IL21R: variants seen among roughly 807,000 people sequenced by gnomAD.
The protein encoded by IL21R is interleukin-21 receptor.
In IL21R, 14 loss-of-function variants were observed where a neutral mutation model predicts 41.3. That is an observed-to-expected ratio of 0.34 (90% CI 0.22 to 0.53). The LOEUF is 0.53. IL21R is among the 20% of genes least tolerant of loss of function. The probability of loss-of-function intolerance (pLI) is 0.94; values close to 1 mark genes in which losing one functional copy is unlikely to be tolerated. For missense variants in IL21R, 588 were observed against 681.6 expected (o/e 0.86, Z 1.53); for synonymous variants, 286 against 287.6 (o/e 0.99, Z 0.05).
At chr16:27,438,404 G>A (rs2087311961) in intron 4 of IL21R, among the ~76,000 whole-genome samples, 1 of 152,146 alleles carries the variant, frequency 6.6e-6, no homozygotes, top group Non-Finnish European at 1.5e-5. Context: ...CCTGGTTGGT[G>A]GGAGCAGTTT....
At chr16:27,434,237 C>T in intron 2 of IL21R, 110 bp from the exon 3 acceptor site, 3 of 704,410 alleles carry the variant, frequency 4.3e-6, no homozygotes, top group South Asian at 1.7e-5. Context: ...TTTGTCCCGG[C>T]CTGGGGACCC....
At chr16:27,407,060 G>A (rs114324862) in intron 1 of IL21R, among the ~76,000 whole-genome samples, 12 of 152,316 alleles carry the variant, frequency 7.9e-5, no homozygotes, top group Non-Finnish European at 1.3e-4. Context: ...GGTCTGGGGG[G>A]AGTTTCTGGG....
At chr16:27,439,582 C>T (rs1053836660) in intron 4 of IL21R, among the ~76,000 whole-genome samples, 1 of 151,764 alleles carries the variant, frequency 6.6e-6, no homozygotes. Flanking sequence ...CACACATATG[C>T]ACACACTCAC....
At chr16:27,417,494 G>A (rs2086909018) in intron 1 of IL21R, among the ~76,000 whole-genome samples, 1 of 152,168 alleles carries the variant, frequency 6.6e-6, no homozygotes, top group African/African-American at 2.4e-5. Context: ...AACTAGGTGT[G>A]AAATTTCTTG....
intron 1 of IL21R, among the ~76,000 whole-genome samples, chr16:27,419,819 A>T (rs1317542471): frequency 3.7e-4 from 3 of 8,002 alleles, no homozygotes; most frequent in Admixed American, 1.1e-3. Flanking sequence ...AACATAGTTT[A>T]TTATTATTAT....
At chr16:27,427,053 G>A (rs1199854777) in intron 1 of IL21R, among the ~76,000 whole-genome samples, 2 of 152,146 alleles carry the variant, frequency 1.3e-5, no homozygotes, top group Non-Finnish European at 2.9e-5. Flanking sequence ...ATGGCTACAA[G>A]CTCTGAGAAG....
chr16:27,437,727 T>A (rs2087298806), intron 4 of IL21R, 40 bp downstream of exon 4: 1 of 1,557,728 alleles, frequency 6.4e-7, no homozygotes, highest in African/African-American at 1.4e-5. Flanking sequence ...TGGCACTCAA[T>A]CTTAGCTCAC....
intron 4 of IL21R, among the ~76,000 whole-genome samples, chr16:27,439,981 G>A (rs977333208): frequency 2.6e-5 from 4 of 152,046 alleles, no homozygotes; most frequent in Admixed American, 1.3e-4. Context: ...CAGGGAAGCC[G>A]AGAGCCGGCC....
chr16:27,428,394 C>A (rs1476581063), intron 1 of IL21R, among the ~76,000 whole-genome samples: 7 of 152,226 alleles, frequency 4.6e-5, no homozygotes, highest in African/African-American at 1.7e-4. Flanking sequence ...CTTTGGGAAC[C>A]CCGGCACAGA....
At chr16:27,432,157 G>C (rs1369830141) in intron 2 of IL21R, among the ~76,000 whole-genome samples, 2 of 152,206 alleles carry the variant, frequency 1.3e-5, no homozygotes, top group Non-Finnish European at 2.9e-5. Flanking sequence ...AGTTTCTGGG[G>C]AGACACAGAC....
At chr16:27,426,477 T>C (rs2087080270) in intron 1 of IL21R, among the ~76,000 whole-genome samples, 1 of 152,094 alleles carries the variant, frequency 6.6e-6, no homozygotes, top group Admixed American at 6.5e-5. Flanking sequence ...ACATGGACCA[T>C]GAAAGTTGAG....
chr16:27,408,008 T>C (rs1420102353), intron 1 of IL21R, among the ~76,000 whole-genome samples: 1 of 152,254 alleles, frequency 6.6e-6, no homozygotes, highest in East Asian at 1.9e-4. Flanking sequence ...ATAGAAAGCA[T>C]TCTCTTTCAT....
At chr16:27,435,162 G>A (rs1169833266) in intron 3 of IL21R, among the ~76,000 whole-genome samples, 1 of 152,230 alleles carries the variant, frequency 6.6e-6, no homozygotes, top group Non-Finnish European at 1.5e-5. Flanking sequence ...GAGAGTCTAA[G>A]GCAGGGGGAC....
intron 3 of IL21R, among the ~76,000 whole-genome samples, chr16:27,434,905 T>C (rs775870115): frequency 1.3e-5 from 2 of 152,206 alleles, no homozygotes; most frequent in Non-Finnish European, 2.9e-5. Context: ...GGGTCCCTTT[T>C]AGACCCTATG....
intron 1 of IL21R, among the ~76,000 whole-genome samples, chr16:27,417,158 CTTTTCTTTTT>C (rs902779480): frequency 2.1e-4 from 21 of 99,584 alleles, no homozygotes; most frequent in African/African-American, 7.8e-4. Context: ...TTTCTTTTTT[CTTTTCTTTTT>C]TTTTTTTTTT....
chr16:27,424,832 CT>C (rs922955046), intron 1 of IL21R, among the ~76,000 whole-genome samples: 114 of 152,298 alleles, frequency 7.5e-4, no homozygotes, highest in African/African-American at 2.7e-3. Flanking sequence ...GCTCATGGTT[CT>C]GCAGGCTGTA....
At chr16:27,444,404 G>A (rs1453301327) in intron 5 of IL21R, 138 bp from the exon 6 acceptor site, 1 of 538,558 alleles carries the variant, frequency 1.9e-6, no homozygotes. Flanking sequence ...AGCTACTCAG[G>A]CATAGGCTTG....
In IL21R at chr16:27,450,440, A is replaced by C; in HGVS notation, c.*1157A>C. 8.7e-6 allele frequency: 2 copies of C among 230,434 alleles called. No individual in the cohort carries two copies. Among genetic ancestry groups the C allele is most frequent in the Non-Finnish European group, 1.7e-5 (2 of 116,330 alleles). The allele number at this position is 230,434 out of a possible 1,614,324, so 14.3% of individuals were successfully genotyped here. On this transcript the variant is annotated 3_prime_UTR_variant, in exon 9 of 9. Transcript: ENST00000337929. ...GGGCCCCCTACCCTGCCCCAATTCA[A>C]TCCTGCCAATAAATCCTGTCTTATT...
chr16:27,440,248 T>TATATATATAGAGAGAGAGAGAG (rs1352160946), intron 4 of IL21R, among the ~76,000 whole-genome samples: 12 of 64,034 alleles, frequency 1.9e-4, no homozygotes, highest in African/African-American at 5.3e-4. Flanking sequence ...TATATATATA[T>TATATATATAGAGAGAGAGAGAG]AGAGAGAGAG....
Sources: allele counts gnomAD v4.1 joint callset (sites outside exome capture counted in the v4.1 genomes callset), GRCh38; gene constraint gnomAD v4.1.1; transcripts MANE v1.5; gene names NCBI Gene and HGNC (gene_info 2026-07-23, HGNC 2026-07-21).